Variants in TXNDC12 observed in about 807,000 individuals in gnomAD.
TXNDC12 encodes thioredoxin domain-containing protein 12.
Under a neutral mutation model 24.2 loss-of-function variants are expected in TXNDC12, and 22 were observed. The ratio of observed to expected loss-of-function variants is 0.91; its 90% CI spans 0.65 to 1.30. TXNDC12 has a LOEUF of 1.30. Among genes scored for constraint, TXNDC12 ranks in the 50% most tolerant of loss-of-function variants. The probability of loss-of-function intolerance (pLI) is 0.00; values close to 1 mark genes in which losing one functional copy is unlikely to be tolerated. For synonymous variants in TXNDC12, 58 were observed against 73.4 expected, an observed-to-expected ratio of 0.79 and a Z score of 1.07; for missense variants, 184 against 205.8, an observed-to-expected ratio of 0.89 and a Z score of 0.65.
Position 52,020,736 on chromosome 1 carries a change from A to C in TXNDC12, c.*197T>G, listed in dbSNP as rs181768012. 2.0e-6 allele frequency: 1 copy of C among 512,644 alleles called. No individual in the cohort carries two copies. Among genetic ancestry groups the C allele is most frequent in the African/African-American group, 1.9e-5 (1 of 51,764 alleles). The allele number at this position is 512,644 out of a possible 1,614,324, so 31.8% of individuals were successfully genotyped here. ...AGGGAAAAGGAGAAGAAAGTCTGCCACTCTCCGCTGGATCCACAAACATGC... is the reference window on the plus strand; with the variant it reads ...AGGGAAAAGGAGAAGAAAGTCTGCCCCTCTCCGCTGGATCCACAAACATGC... On this transcript the variant is annotated 3_prime_UTR_variant, in exon 7 of 7. Transcript: ENST00000371626.
intron 1 of TXNDC12, among the ~76,000 whole-genome samples, chr1:52,045,433 C>T (rs1025824898): frequency 6.6e-5 from 10 of 152,088 alleles, no homozygotes; most frequent in African/African-American, 2.4e-4. Flanking sequence ...GCGGTGGGCC[C>T]TTATCCTTAT....
chr1:52,044,725 G>A (rs542652853), intron 1 of TXNDC12, among the ~76,000 whole-genome samples: 1 of 152,294 alleles, frequency 6.6e-6, no homozygotes, highest in South Asian at 2.1e-4. Flanking sequence ...TGTAATCCTA[G>A]CACTTTGGGA....
rs774784300 is a variant in TXNDC12 at position 52,032,894 on chromosome 1, T to G, written c.159-4264A>C. 2.5e-6 allele frequency: 4 copies of G among 1,613,156 alleles called. No individual in the cohort carries two copies. The Admixed American group carries it at 6.7e-5, about 27-fold the overall frequency. On this transcript the variant is annotated intron_variant, in intron 2 of 6. Transcript: ENST00000371626. ...AGCAAGTCCCCGGGGACAGCGCTCT[T>G]CTGCGCTTCCATCAATCCGGCCAGT... is the stretch of plus-strand genomic sequence containing the variant.
At chr1:52,043,915 T>A in intron 1 of TXNDC12, 1 of 152,208 alleles carries the variant, frequency 6.6e-6, no homozygotes, top group Non-Finnish European at 1.5e-5. Flanking sequence ...ATGCAGGCAG[T>A]ATCGAAACTA....
intron 2 of TXNDC12, among the ~76,000 whole-genome samples, chr1:52,035,048 G>A (rs1004911567): frequency 1.8e-4 from 28 of 152,220 alleles, no homozygotes; most frequent in Admixed American, 1.4e-3. Flanking sequence ...AAAGGCATGA[G>A]CCACTGTGCC....
chr1:52,023,621 C>G, intron 5 of TXNDC12, 47 bp from the exon 6 acceptor site: 1 of 1,457,400 alleles, frequency 6.9e-7, no homozygotes, highest in Non-Finnish European at 9.6e-7. Flanking sequence ...TTACAACAGA[C>G]AGGTACTTCA....
intron 1 of TXNDC12, among the ~76,000 whole-genome samples, chr1:52,053,146 C>T (rs182572006): frequency 3.9e-5 from 6 of 151,986 alleles, no homozygotes; most frequent in South Asian, 2.1e-4. Context: ...GCCTGTAGTC[C>T]CAGCTACTTG....
Position 52,020,948 on chromosome 1 carries a change from A to G in TXNDC12, c.504T>C (p.Leu168=). 1 of 1,613,876 alleles carries G rather than the reference A, an allele frequency of 6.2e-7. No individual in the cohort carries two copies. The stretch of plus-strand genomic sequence containing the variant: ...CACATTCATGTTACAATTCATCTTC[A>G]AGATGTTTCTTTCTGAAGGCATCAC... The part of the protein sequence containing the change: ...LTGDAFRKKH[L]EDEL The change falls in exon 7 of 7, where the codon CTT becomes CTC. Residue 168 remains leucine (L), a synonymous_variant. Transcript: ENST00000371626.
At chr1:52,046,000 C>T (rs1686082936) in intron 1 of TXNDC12, among the ~76,000 whole-genome samples, 1 of 151,796 alleles carries the variant, frequency 6.6e-6, no homozygotes, top group Admixed American at 6.6e-5. Flanking sequence ...ATCATTTGAG[C>T]CCAGGAGTTT....
At position 52,020,904 on chromosome 1, in the gene TXNDC12, ACT is replaced by A. The variant is rs760040189; in HGVS notation, c.*27_*28del. ...CTGCTGCTTTCCTTCCAGAACACTA[ACT>A]CTGATGAAAGAAGGGGCACATTCAT... On this transcript the variant is annotated 3_prime_UTR_variant, in exon 7 of 7. Coordinates refer to ENST00000371626, the MANE Select transcript of TXNDC12 (RefSeq NM_015913.4). The A allele has an allele frequency of 1.1e-5, 18 of 1,569,722 alleles. No homozygotes were observed. Among genetic ancestry groups the A allele is most frequent in the East Asian group, 1.1e-4 (5 of 44,660 alleles).
Position 52,020,598 on chromosome 1 carries a change from A to G in TXNDC12, c.*335T>C. On this transcript the variant is annotated 3_prime_UTR_variant, in exon 7 of 7. Transcript: ENST00000371626. Reference sequence around the variant, plus strand: ...CACTAAGGTGAGTAAAGTGGGAGGAAATGGGAAAAGACTCAAATACTTAAG... The same window carrying G: ...CACTAAGGTGAGTAAAGTGGGAGGAGATGGGAAAAGACTCAAATACTTAAG... The G allele has an allele frequency of 3.2e-6, 1 of 311,202 alleles. No individual in the cohort carries two copies. Among genetic ancestry groups the G allele is most frequent in the Non-Finnish European group, 5.9e-6 (1 of 168,752 alleles). 19.3% of individuals were successfully genotyped at this position (311,202 alleles called of 1,614,324 possible). A position where few individuals can be genotyped will look rare whatever the true frequency, so the allele number is the denominator to read the frequency against.
In TXNDC12 at chr1:52,020,899, C is replaced by G; in HGVS notation, c.*34G>C. 6.4e-7 allele frequency: 1 copy of G among 1,554,608 alleles called. No individual in the cohort carries two copies. The highest frequency in any genetic ancestry group is 1.4e-5 in the African/African-American group (1 of 73,864). ...CTTCCCTGCTGCTTTCCTTCCAGAA[C>G]ACTAACTCTGATGAAAGAAGGGGCA... On this transcript the variant is annotated 3_prime_UTR_variant, in exon 7 of 7. Transcript: ENST00000371626.
intron 4 of TXNDC12, among the ~76,000 whole-genome samples, chr1:52,024,858 A>G (rs761069493): frequency 2.6e-5 from 4 of 152,176 alleles, no homozygotes; most frequent in East Asian, 1.9e-4. Flanking sequence ...TGCTGAACAC[A>G]CTTTCCCCAT....
At chr1:52,023,376 C>T (rs1685628675) in intron 6 of TXNDC12, 115 bp downstream of exon 6, 2 of 783,232 alleles carry the variant, frequency 2.6e-6, no homozygotes, top group Non-Finnish European at 4.3e-6. Context: ...AAGCTATAGA[C>T]ATGCAGGAGA....
At chr1:52,051,951 C>A (rs1686214200) in intron 1 of TXNDC12, 1 of 168,528 alleles carries the variant, frequency 5.9e-6, no homozygotes, top group Non-Finnish European at 1.5e-5. Context: ...AGTATTAATT[C>A]CTTTTAGGGA....
At chr1:52,051,509 A>G (rs962844867) in intron 1 of TXNDC12, among the ~76,000 whole-genome samples, 2 of 151,964 alleles carry the variant, frequency 1.3e-5, no homozygotes, top group African/African-American at 4.8e-5. Flanking sequence ...CCGAGTAGCT[A>G]GGATTACAGG....
intron 1 of TXNDC12, among the ~76,000 whole-genome samples, chr1:52,047,634 A>C (rs1686122835): frequency 6.6e-6 from 1 of 152,142 alleles, no homozygotes; most frequent in Admixed American, 6.6e-5. Context: ...AGCCAGGCAC[A>C]ATGTGCACCT....
At chr1:52,044,782 T>C (rs1486083480) in intron 1 of TXNDC12, among the ~76,000 whole-genome samples, 1 of 152,180 alleles carries the variant, frequency 6.6e-6, no homozygotes, top group Non-Finnish European at 1.5e-5. Context: ...GAGACCATCC[T>C]GGGCAACATG....
intron 1 of TXNDC12, among the ~76,000 whole-genome samples, chr1:52,049,170 A>G (rs917524210): frequency 6.6e-6 from 1 of 152,190 alleles, no homozygotes; most frequent in South Asian, 2.1e-4. Flanking sequence ...CTAGAAAAGA[A>G]GTTATCCAAC....
Sources: allele counts gnomAD v4.1 joint callset (sites outside exome capture counted in the v4.1 genomes callset), GRCh38; gene constraint gnomAD v4.1.1; transcripts MANE v1.5; gene names NCBI Gene and HGNC (gene_info 2026-07-23, HGNC 2026-07-21).